EZH1: variants seen among roughly 807,000 people sequenced by gnomAD.
The protein encoded by EZH1 is histone-lysine N-methyltransferase EZH1.
Under a neutral mutation model 100.5 loss-of-function variants are expected in EZH1, and 33 were observed. The ratio of observed to expected loss-of-function variants is 0.33; its 90% CI spans 0.25 to 0.44. The LOEUF is 0.44. Among genes scored for constraint, EZH1 ranks in the 20% least tolerant of loss-of-function variants. EZH1 has a pLI of 1.00. For missense variants in EZH1, 475 were observed against 928.4 expected, an observed-to-expected ratio of 0.51 and a Z score of 6.35; for synonymous variants, 272 against 313.8, an observed-to-expected ratio of 0.87 and a Z score of 1.41.
Position 42,718,140 on chromosome 17 carries a change from A to T in EZH1, c.932-73T>A. 1 of 1,322,002 alleles carries T rather than the reference A, an allele frequency of 7.6e-7. No individual in the cohort carries two copies. The highest frequency in any genetic ancestry group is 1.1e-6 in the Non-Finnish European group (1 of 924,458). 81.9% of individuals were successfully genotyped at this position (1,322,002 alleles called of 1,614,324 possible). ...AGATGGGGAGAAACAAAAGTGAATT[A>T]GAGAGCTATTGTAGGAGTTAGAATT... On this transcript the variant is annotated intron_variant, in intron 9 of 20. Transcript: ENST00000428826. The surrounding 1 kb of genome is among the most constrained non-coding windows in gnomAD (Gnocchi z 4.2).
intron 1 of EZH1, chr17:42,731,692 C>T (rs186380700): frequency 6.6e-6 from 1 of 150,804 alleles, no homozygotes; most frequent in Non-Finnish European, 1.5e-5. Context: ...GAATTCAAGA[C>T]CAGCCTGGTC....
rs1362922515 is a variant in EZH1 at position 42,718,302 on chromosome 17, C to G, written c.931+152G>C. On this transcript the variant is annotated intron_variant, in intron 9 of 20. Transcript: ENST00000428826. This position sits in a 1 kb window ranked among gnomAD's most constrained non-coding sequence, Gnocchi z 4.2. The stretch of plus-strand genomic sequence containing the variant: ...TCCCTATCATGCAAAGCATGTTGCA[C>G]TATAATTGAGCAAGGGAAAATAGAA... 5 of 1,073,800 alleles carry G rather than the reference C, an allele frequency of 4.7e-6. No individual in the cohort carries two copies. In the Admixed American group the frequency reaches 1.3e-4, roughly 28 times the overall value. The allele number at this position is 1,073,800 out of a possible 1,614,324, so 66.5% of individuals were successfully genotyped here.
intron 6 of EZH1, among the ~76,000 whole-genome samples, chr17:42,722,145 T>C (rs2053719590): frequency 1.5e-5 from 1 of 68,250 alleles, no homozygotes; most frequent in Non-Finnish European, 2.6e-5. Context: ...CGAGACTCTG[T>C]CTCAAAAAAA....
chr17:42,713,050 A>AAAG (rs1278251972), intron 11 of EZH1, among the ~76,000 whole-genome samples, 159 bp downstream of exon 11: 13 of 151,426 alleles, frequency 8.6e-5, no homozygotes, highest in Non-Finnish European at 1.6e-4. Flanking sequence ...AAAAAAAAAA[A>AAAG]AAAAAAAAGA....
In EZH1 at chr17:42,727,580, A is replaced by G. The variant is rs369978877; in HGVS notation, c.246+55T>C. 778 of 1,561,700 alleles carry G rather than the reference A, an allele frequency of 5.0e-4. 13 individuals are homozygous for G. In the South Asian group the frequency reaches 8.4e-3, roughly 17 times the overall value. On this transcript the variant is annotated intron_variant, in intron 4 of 20. Transcript: ENST00000428826. ...TTTCTAAAAAGTCACAAATATAGGA[A>G]AAAGCTTTAAGCCCAAGGAAGAGAG...
chr17:42,704,523 G>C, intron 18 of EZH1, 79 bp downstream of exon 18: 1 of 1,172,062 alleles, frequency 8.5e-7, no homozygotes, highest in Non-Finnish European at 1.2e-6. Flanking sequence ...ACCCTAGCCT[G>C]GGCAACAGAG....
At chr17:42,727,564 A>T in intron 4 of EZH1, 71 bp downstream of exon 4, 1 of 1,537,762 alleles carries the variant, frequency 6.5e-7, no homozygotes. Flanking sequence ...CTTTCTAAAA[A>T]GTCACAAATA....
intron 12 of EZH1, among the ~76,000 whole-genome samples, chr17:42,711,330 G>A (rs547732586): frequency 3.9e-5 from 6 of 152,286 alleles, no homozygotes; most frequent in East Asian, 1.9e-4. Context: ...AAAATTAGCC[G>A]GGCGTGGTGG....
intron 2 of EZH1, among the ~76,000 whole-genome samples, chr17:42,729,998 A>G (rs2053908683): frequency 6.6e-6 from 1 of 152,130 alleles, no homozygotes; most frequent in Non-Finnish European, 1.5e-5. Context: ...AGATCACATC[A>G]CTGCACTCCA....
chr17:42,715,908 G>C (rs767746937), intron 10 of EZH1, among the ~76,000 whole-genome samples: 1 of 151,992 alleles, frequency 6.6e-6, no homozygotes, highest in Non-Finnish European at 1.5e-5. Flanking sequence ...TTAGCTGGGC[G>C]TGGTGGCGCA....
chr17:42,710,031 A>G, intron 12 of EZH1, 94 bp from the exon 13 acceptor site: 2 of 1,044,528 alleles, frequency 1.9e-6, no homozygotes, highest in Non-Finnish European at 3.0e-6. Context: ...GTTCTGAGAA[A>G]CTCAGGCAGC....
intron 10 of EZH1, among the ~76,000 whole-genome samples, chr17:42,715,125 GATT>G (rs1468168029): frequency 2.0e-4 from 27 of 132,650 alleles, no homozygotes; most frequent in Non-Finnish European, 4.2e-4. Flanking sequence ...ATATATAATA[GATT>G]ATATGTATTT....
chr17:42,719,073 G>GTATATGGCC, intron 8 of EZH1, 32 bp downstream of exon 8: 1 of 1,543,482 alleles, frequency 6.5e-7, no homozygotes, highest in African/African-American at 1.4e-5. Flanking sequence ...CGAGCACTCT[G>GTATATGGCC]TATATGGCCT....
intron 2 of EZH1, 21 bp downstream of exon 2, chr17:42,730,807 A>G: frequency 1.0e-6 from 1 of 975,734 alleles, no homozygotes; most frequent in Non-Finnish European, 1.2e-6. Flanking sequence ...AGAAGTATGT[A>G]TTCTAATATA....
rs921843120 is a variant in EZH1, at chr17:42,727,783, G to T, written c.118-20C>A. On this transcript the variant is annotated intron_variant, in intron 3 of 20. Transcript: ENST00000428826. ...CAAAGCCTAGCAAAGCCATGGAAAAGATTAAGATATATTGTTATTTTATTA... is the reference window on the plus strand; with the variant it reads ...CAAAGCCTAGCAAAGCCATGGAAAATATTAAGATATATTGTTATTTTATTA... The T allele has an allele frequency of 5.8e-6, 9 of 1,545,078 alleles. No homozygotes were observed. The highest frequency in any genetic ancestry group is 2.2e-5 in the Admixed American group (1 of 45,968).
intron 18 of EZH1, 91 bp downstream of exon 18, chr17:42,704,511 G>T: frequency 2.0e-6 from 2 of 1,007,814 alleles, no homozygotes; most frequent in Non-Finnish European, 3.0e-6. Context: ...TCGCACCATT[G>T]CACCCTAGCC....
intron 12 of EZH1, among the ~76,000 whole-genome samples, chr17:42,711,698 C>G (rs1362560417): frequency 1.3e-5 from 2 of 150,854 alleles, no homozygotes; most frequent in Admixed American, 6.6e-5. Context: ...TAGTCCCTTG[C>G]TACTTGCTTG....
In EZH1 at chr17:42,703,737, C is replaced by T; in HGVS notation, c.2098+3G>A. 6.2e-7 allele frequency: 1 copy of T among 1,613,026 alleles called. No individual in the cohort carries two copies. Among genetic ancestry groups the T allele is most frequent in the Non-Finnish European group, 8.5e-7 (1 of 1,178,988 alleles). The stretch of plus-strand genomic sequence containing the variant: ...CCCCACCTCCCAGGTTACTGGGACT[C>T]ACCTTTGGCATAACAGTTGGGATTC... On this transcript the variant is annotated splice_donor_region_variant and intron_variant, in intron 19 of 20. Coordinates refer to ENST00000428826, the MANE Select transcript of EZH1 (RefSeq NM_001991.5).
chr17:42,727,723 G>A lies in EZH1; in HGVS notation c.158C>T (p.Thr53Ile). The A allele has an allele frequency of 6.2e-7, 1 of 1,607,364 alleles. No individual in the cohort carries two copies. Among genetic ancestry groups the A allele is most frequent in the African/African-American group, 1.3e-5 (1 of 74,454 alleles). ...CTTCCATTCTTCATTGAGGATCTGGGTTTTTTCTTGAACCTTTGCAAAATT... is the reference window on the plus strand; with the variant it reads ...CTTCCATTCTTCATTGAGGATCTGGATTTTTTCTTGAACCTTTGCAAAATT... ...VANFAKVQEKTQILNEEWKKL... is the reference protein window; with the variant it reads ...VANFAKVQEKIQILNEEWKKL... Residue 53 changes from threonine to isoleucine, a missense_variant, in exon 4 of 21, where the codon ACC becomes ATC. Transcript: ENST00000428826.
Sources: gnomAD v4.1 joint callset for allele counts (sites outside exome capture counted in the v4.1 genomes callset) on GRCh38, gnomAD v4.1.1 for gene constraint, Gnocchi (gnomAD v3.1) non-coding constraint, MANE v1.5 for transcripts, NCBI Gene and HGNC (gene_info 2026-07-23, HGNC 2026-07-21) for gene names.